The following IGSF11 variants were observed in gnomAD, a reference collection of about 807,000 sequenced individuals.
IGSF11 encodes the protein CXADR like 1.
Under a neutral mutation model 41.0 loss-of-function variants are expected in IGSF11, and 22 were observed. The ratio of observed to expected loss-of-function variants is 0.54; its 90% CI spans 0.38 to 0.77. The LOEUF (loss-of-function observed/expected upper bound fraction) is 0.77, where lower values mean the gene tolerates loss of function less well. IGSF11 is among the 30% of genes least tolerant of loss of function. The pLI, the probability that IGSF11 is intolerant of heterozygous loss-of-function variation, is 0.00. For synonymous variants in IGSF11, 219 were observed against 201.3 expected (o/e 1.09, Z -0.74); for missense variants, 444 against 530.8 (o/e 0.84, Z 1.61).
intron 1 of IGSF11, among the ~76,000 whole-genome samples, chr3:119,050,582 G>C (rs971903198): frequency 3.3e-5 from 5 of 152,010 alleles, no homozygotes; most frequent in South Asian, 2.1e-4. Flanking sequence ...GTGGAAGTCA[G>C]TGTGGCGATT....
At chr3:119,049,392 T>C (rs1941516123) in intron 1 of IGSF11, among the ~76,000 whole-genome samples, 1 of 152,058 alleles carries the variant, frequency 6.6e-6, no homozygotes, top group South Asian at 2.1e-4. Context: ...TGAACTCCCA[T>C]TCACAATTGC....
intron 1 of IGSF11, among the ~76,000 whole-genome samples, chr3:119,049,691 G>A (rs1941532843): frequency 6.6e-6 from 1 of 152,172 alleles, no homozygotes. Flanking sequence ...TCATTGACAA[G>A]TCAATCCTAA....
intron 2 of IGSF11, among the ~76,000 whole-genome samples, chr3:118,929,444 A>C (rs971357080): frequency 6.6e-6 from 1 of 152,222 alleles, no homozygotes; most frequent in Non-Finnish European, 1.5e-5. Flanking sequence ...TTAGCTTATC[A>C]AATATTTTGA....
At chr3:118,939,004 C>T (rs2107552576) in intron 1 of IGSF11, among the ~76,000 whole-genome samples, 1 of 152,262 alleles carries the variant, frequency 6.6e-6, no homozygotes, top group Non-Finnish European at 1.5e-5. Flanking sequence ...GACTGCAACA[C>T]GTCTCAATCA....
intron 1 of IGSF11, among the ~76,000 whole-genome samples, chr3:119,083,831 T>A (rs769298953): frequency 6.6e-6 from 1 of 152,236 alleles, no homozygotes; most frequent in Admixed American, 6.5e-5. Flanking sequence ...ACTATGTTTT[T>A]GATCATTCTT....
intron 1 of IGSF11, among the ~76,000 whole-genome samples, chr3:119,127,252 G>A (rs2077416061): frequency 6.6e-6 from 1 of 151,362 alleles, no homozygotes; most frequent in Non-Finnish European, 1.5e-5. Context: ...ATCAACAGCT[G>A]AATCAACCAA....
intron 1 of IGSF11, among the ~76,000 whole-genome samples, chr3:118,948,775 C>T (rs1944349994): frequency 6.6e-6 from 1 of 151,860 alleles, no homozygotes; most frequent in Non-Finnish European, 1.5e-5. Flanking sequence ...ACCATCCTGG[C>T]TAAAACGGTG....
chr3:118,944,457 T>TACACACACACACACAC (rs3079206), intron 1 of IGSF11, among the ~76,000 whole-genome samples: 22 of 125,814 alleles, frequency 1.7e-4, no homozygotes, highest in African/African-American at 6.4e-4. Flanking sequence ...TAGCTTGAAA[T>TACACACACACACACAC]ACACACACAC....
intron 1 of IGSF11, among the ~76,000 whole-genome samples, chr3:118,955,958 T>C (rs1416027968): frequency 6.6e-6 from 1 of 152,230 alleles, no homozygotes. Context: ...ATCTGTTGTT[T>C]AGTATATGTA....
At chr3:119,133,209 CT>C (rs1209551823) in intron 1 of IGSF11, among the ~76,000 whole-genome samples, 1 of 152,098 alleles carries the variant, frequency 6.6e-6, no homozygotes, top group East Asian at 1.9e-4. Context: ...TAAAAAATTA[CT>C]AAGATCAGAG....
chr3:119,002,713 C>A (rs1298933739), intron 1 of IGSF11, among the ~76,000 whole-genome samples: 3 of 126,738 alleles, frequency 2.4e-5, no homozygotes, highest in Non-Finnish European at 4.8e-5. Context: ...TTCCCAGCAC[C>A]ATTTATTAAA....
At chr3:118,964,484 TAC>T (rs1945542741) in intron 1 of IGSF11, among the ~76,000 whole-genome samples, 1 of 151,954 alleles carries the variant, frequency 6.6e-6, no homozygotes, top group Non-Finnish European at 1.5e-5. Flanking sequence ...TTAAGGTAAG[TAC>T]ACACTTTACA....
At chr3:119,034,915 C>T (rs1010789165), upstream of IGSF11, 15 of 960,428 alleles carry the variant, frequency 1.6e-5, no homozygotes, top group East Asian at 2.5e-4. Flanking sequence ...AGCCGCAGCT[C>T]GGCTCCTCGC....
At chr3:119,114,999 T>TCTC (rs2077235936) in intron 1 of IGSF11, among the ~76,000 whole-genome samples, 1 of 152,122 alleles carries the variant, frequency 6.6e-6, no homozygotes, top group Non-Finnish European at 1.5e-5. Flanking sequence ...GGGGAGGTGC[T>TCTC]ACACACTTTA....
chr3:118,933,656 C>T (rs537950868), intron 1 of IGSF11, among the ~76,000 whole-genome samples: 8 of 152,176 alleles, frequency 5.3e-5, no homozygotes, highest in East Asian at 1.9e-4. Flanking sequence ...CAAACCCAGG[C>T]GGTTAGTCTA....
At chr3:119,050,070 AT>A (rs1388578887) in intron 1 of IGSF11, among the ~76,000 whole-genome samples, 1 of 149,026 alleles carries the variant, frequency 6.7e-6, no homozygotes, top group Non-Finnish European at 1.5e-5. Flanking sequence ...AGGCATTACC[AT>A]TCAGGACATA....
At chr3:119,002,175 G>A (rs1485423318) in intron 1 of IGSF11, among the ~76,000 whole-genome samples, 1 of 136,062 alleles carries the variant, frequency 7.3e-6, no homozygotes, top group African/African-American at 3.0e-5. Context: ...TAACTGGTGT[G>A]AGATGATATC....
At chr3:118,976,175 A>G (rs1281557117) in intron 1 of IGSF11, among the ~76,000 whole-genome samples, 1 of 152,128 alleles carries the variant, frequency 6.6e-6, no homozygotes, top group Non-Finnish European at 1.5e-5. Context: ...GCCCCAGTAA[A>G]TTCCTCTTTC....
chr3:118,913,720 C>CA lies in IGSF11; in HGVS notation c.581-8003dup, dbSNP rs1179489727. On this transcript the variant is annotated intron_variant, in intron 4 of 6. Coordinates refer to ENST00000393775, the MANE Select transcript of IGSF11 (RefSeq NM_001015887.3). ...GACTGTGATGAAAGAAGCAATGGAG[C>CA]AAAAAAAATGGCAAACTTGTGGGTA... Among the ~76,000 whole-genome samples, 10 of 151,188 alleles carry CA rather than the reference C, an allele frequency of 6.6e-5. No individual in the cohort carries two copies. In the East Asian group the frequency reaches 1.4e-3, roughly 20 times the overall value.
Sources: gnomAD v4.1 joint callset for allele counts (sites outside exome capture counted in the v4.1 genomes callset) on GRCh38, gnomAD v4.1.1 for gene constraint, MANE v1.5 for transcripts, NCBI Gene and HGNC (gene_info 2026-07-23, HGNC 2026-07-21) for gene names.